The following LRRTM4 variants were observed in gnomAD, a reference collection of about 807,000 sequenced individuals.
The protein encoded by LRRTM4 is leucine rich repeat transmembrane neuronal 4.
LRRTM4 carries 25 observed loss-of-function variants against 47.6 expected under a neutral mutation model. That is an observed-to-expected ratio of 0.53 (90% confidence interval 0.38 to 0.73). The LOEUF is 0.73. Ranked by LOEUF, LRRTM4 falls within the 30% of genes least tolerant of loss-of-function variation. LRRTM4 has a pLI of 0.00. For synonymous variants in LRRTM4, 311 were observed against 269.5 expected, an observed-to-expected ratio of 1.15 and a Z score of -1.51; for missense variants, 638 against 713.4, an observed-to-expected ratio of 0.89 and a Z score of 1.20.
Position 77,190,024 on chromosome 2 carries a change from C to T in LRRTM4, c.1551+328294G>A, listed in dbSNP as rs560619548. On this transcript the variant is annotated intron_variant, in intron 3 of 3. Transcript: ENST00000409884. ...GGAAAATTCTAACTTTAATTCATCT[C>T]TTTCCTGTGTTTTAAGTGCTATTTA... is the stretch of plus-strand genomic sequence containing the variant. 1.9e-4 allele frequency among the ~76,000 whole-genome samples: 29 copies of T among 152,142 alleles called. No homozygotes were observed. The South Asian group carries it at 6.0e-3, about 32-fold the overall frequency.
At chr2:77,325,727 TTGTACTA>T (rs1163846585) in intron 3 of LRRTM4, among the ~76,000 whole-genome samples, 3 of 152,146 alleles carry the variant, frequency 2.0e-5, no homozygotes, top group Non-Finnish European at 4.4e-5. Flanking sequence ...TTTCAGTTCT[TTGTACTA>T]TGTATCGGAA....
chr2:77,431,515 G>A (rs908281421), intron 3 of LRRTM4, among the ~76,000 whole-genome samples: 2 of 148,700 alleles, frequency 1.3e-5, no homozygotes, highest in Non-Finnish European at 2.9e-5. Context: ...ATTCTCACAT[G>A]CAAAATGCAT....
chr2:77,180,407 T>C (rs1161471472), intron 3 of LRRTM4, among the ~76,000 whole-genome samples: 1 of 152,140 alleles, frequency 6.6e-6, no homozygotes, highest in African/African-American at 2.4e-5. Context: ...GAGTACAATT[T>C]TACAACTGTG....
intron 3 of LRRTM4, among the ~76,000 whole-genome samples, chr2:77,248,806 T>G (rs1675521276): frequency 1.3e-5 from 2 of 152,034 alleles, no homozygotes; most frequent in Admixed American, 6.6e-5. Flanking sequence ...AGAACAATCT[T>G]TCCAACAAAT....
intron 3 of LRRTM4, among the ~76,000 whole-genome samples, chr2:76,798,294 T>A (rs1042941379): frequency 1.8e-4 from 28 of 151,906 alleles, no homozygotes; most frequent in African/African-American, 6.0e-4. Context: ...GGATTAAGAA[T>A]CTCACTCAAA....
chr2:77,226,198 C>A (rs1674800638), intron 3 of LRRTM4, among the ~76,000 whole-genome samples: 1 of 151,746 alleles, frequency 6.6e-6, no homozygotes, highest in Non-Finnish European at 1.5e-5. Context: ...TCCAATATTT[C>A]ACTTAAAATG....
chr2:77,049,133 T>TATATAC lies in LRRTM4; in HGVS notation c.1552-300218_1552-300217insGTATAT, dbSNP rs1553377438. ...TAATATTTCATTTTTTATATATATA[T>TATATAC]ATATATATATATATATATATATATA... On this transcript the variant is annotated intron_variant, in intron 3 of 3. Coordinates refer to ENST00000409884, the MANE Select transcript of LRRTM4 (RefSeq NM_001134745.3). 3.6e-3 allele frequency among the ~76,000 whole-genome samples: 446 copies of TATATAC among 123,750 alleles called. 19 individuals carry two copies. The highest frequency in any genetic ancestry group is 0.029 in the Admixed American group (367 of 12,850). 81.2% of individuals were successfully genotyped at this position (123,750 alleles called of 152,430 possible). A position where few individuals can be genotyped will look rare whatever the true frequency, so the allele number is the denominator to read the frequency against.
chr2:77,465,432 T>C (rs757257252), intron 3 of LRRTM4, among the ~76,000 whole-genome samples: 16 of 152,318 alleles, frequency 1.1e-4, no homozygotes, highest in Middle Eastern at 3.4e-3. Context: ...TCATTTTTCC[T>C]GTAGGGAGAA....
chr2:76,963,003 A>AGG (rs1675909871), intron 3 of LRRTM4, among the ~76,000 whole-genome samples: 1 of 150,954 alleles, frequency 6.6e-6, no homozygotes, highest in South Asian at 2.1e-4. Flanking sequence ...AATGAACAAA[A>AGG]GGTAGAACTC....
chr2:77,160,438 T>G (rs888598615), intron 3 of LRRTM4, among the ~76,000 whole-genome samples: 4 of 151,998 alleles, frequency 2.6e-5, no homozygotes, highest in African/African-American at 9.7e-5. Context: ...GGCATGTAAA[T>G]CACTTCAGTA....
chr2:76,751,019 A>G (rs1672832388), intron 3 of LRRTM4, among the ~76,000 whole-genome samples: 1 of 152,232 alleles, frequency 6.6e-6, no homozygotes, highest in African/African-American at 2.4e-5. Context: ...TAAGTTGTTC[A>G]TAAGAGTTTT....
intron 3 of LRRTM4, among the ~76,000 whole-genome samples, chr2:77,353,416 G>A (rs112062756): frequency 0.019 from 2,938 of 152,188 alleles, 101 homozygotes; most frequent in African/African-American, 0.067. Context: ...TCAATGACAT[G>A]CTTGAAGATG....
intron 3 of LRRTM4, among the ~76,000 whole-genome samples, chr2:76,893,054 A>T (rs1350289799): frequency 7.9e-6 from 1 of 125,912 alleles, no homozygotes; most frequent in Non-Finnish European, 1.6e-5. Flanking sequence ...AGCAGAAAAC[A>T]AGCAAAAAAA....
intron 3 of LRRTM4, among the ~76,000 whole-genome samples, chr2:76,953,163 TAAAG>T (rs2103891520): frequency 1.0e-5 from 1 of 97,290 alleles, no homozygotes; most frequent in African/African-American, 6.1e-5. Flanking sequence ...TGAAAAAAAA[TAAAG>T]TAAAAAAAAA....
chr2:77,467,430 A>G (rs1442224028), intron 3 of LRRTM4, among the ~76,000 whole-genome samples: 1 of 152,114 alleles, frequency 6.6e-6, no homozygotes, highest in Non-Finnish European at 1.5e-5. Flanking sequence ...GGGATGACTA[A>G]AGACATCTAG....
At chr2:76,974,223 C>CACATATAT (rs1553438779) in intron 3 of LRRTM4, among the ~76,000 whole-genome samples, 2 of 115,998 alleles carry the variant, frequency 1.7e-5, no homozygotes, top group Admixed American at 8.7e-5. Context: ...CATATATATA[C>CACATATAT]ATACATATAT....
chr2:76,778,925 G>A, intron 3 of LRRTM4, among the ~76,000 whole-genome samples: 1 of 151,386 alleles, frequency 6.6e-6, no homozygotes, highest in Non-Finnish European at 1.5e-5. Context: ...TTTACACACT[G>A]CTTTGAATGC....
chr2:76,996,875 G>T (rs1362066215), intron 3 of LRRTM4, among the ~76,000 whole-genome samples: 1 of 152,070 alleles, frequency 6.6e-6, no homozygotes, highest in African/African-American at 2.4e-5. Flanking sequence ...TTTCTTAGAG[G>T]CTCACTCCTG....
chr2:77,038,780 A>C (rs1284109523), intron 3 of LRRTM4, among the ~76,000 whole-genome samples: 1 of 151,458 alleles, frequency 6.6e-6, no homozygotes, highest in African/African-American at 2.4e-5. Flanking sequence ...TGATAGGGGA[A>C]TCAGTTGGAG....
Sources: allele counts gnomAD v4.1 joint callset (sites outside exome capture counted in the v4.1 genomes callset), GRCh38; gene constraint gnomAD v4.1.1; transcripts MANE v1.5; gene names NCBI Gene and HGNC (gene_info 2026-07-23, HGNC 2026-07-21).